The following AR variants were observed in gnomAD, a reference collection of about 807,000 sequenced individuals.
AR encodes androgen receptor.
In AR, 8 loss-of-function variants were observed where a neutral mutation model predicts 53.9. That is an observed-to-expected ratio of 0.15 (90% CI 0.09 to 0.27). The LOEUF is 0.27. Among genes scored for constraint, AR ranks in the 10% least tolerant of loss-of-function variants. The pLI is 1.00. For synonymous variants in AR, 359 were observed against 316.4 expected (o/e 1.13, Z -1.43); for missense variants, 639 against 742.5 (o/e 0.86, Z 1.62).
At chrX:67,656,522 G>T (rs757213548) in intron 2 of AR, among the ~76,000 whole-genome samples, 9 of 111,522 alleles carry the variant, frequency 8.1e-5, no homozygotes, top group African/African-American at 2.9e-4. Flanking sequence ...TAATGGTGAT[G>T]ATAATCATAG....
intron 3 of AR, among the ~76,000 whole-genome samples, chrX:67,699,735 T>C (rs758854164): frequency 1.8e-5 from 2 of 110,959 alleles, no homozygotes; most frequent in East Asian, 5.7e-4. Context: ...TCAAATTTCA[T>C]AGTGAGATAG....
chrX:67,573,157 C>G (rs1053812020), intron 1 of AR, among the ~76,000 whole-genome samples: 1 of 111,335 alleles, frequency 9.0e-6, no homozygotes, highest in African/African-American at 3.3e-5. Flanking sequence ...CTAAGATTAA[C>G]CATTCTACAA....
intron 3 of AR, chrX:67,689,815 G>C (rs1401553865): frequency 1.2e-5 from 8 of 649,711 alleles, no homozygotes; most frequent in East Asian, 1.2e-4. Context: ...AATTAGCTGT[G>C]GCTTTCTCAC....
chrX:67,664,899 G>A (rs764799646), intron 2 of AR, among the ~76,000 whole-genome samples: 13 of 112,842 alleles, frequency 1.2e-4, no homozygotes, highest in East Asian at 8.4e-4. Context: ...CTCTGTGGGC[G>A]TAGGACCCTC....
chrX:67,722,549 G>A (rs2076140225), intron 6 of AR, among the ~76,000 whole-genome samples: 1 of 111,909 alleles, frequency 8.9e-6, no homozygotes. Context: ...AAAAGCTTAG[G>A]TCCTAAAAAA....
At chrX:67,722,097 C>T (rs1192983661) in intron 6 of AR, 134 bp downstream of exon 6, 1 of 741,991 alleles carries the variant, frequency 1.3e-6, no homozygotes, top group South Asian at 2.5e-5. Context: ...CTCCCCATCC[C>T]CACTCTACTC....
At chrX:67,610,661 C>A (rs1923841142) in intron 1 of AR, among the ~76,000 whole-genome samples, 1 of 111,443 alleles carries the variant, frequency 9.0e-6, no homozygotes, top group African/African-American at 3.2e-5. Flanking sequence ...ATATGCTTTT[C>A]CATATCGGTA....
chrX:67,585,569 G>C (rs916845661), intron 1 of AR, among the ~76,000 whole-genome samples: 1 of 112,408 alleles, frequency 8.9e-6, no homozygotes, highest in Non-Finnish European at 1.9e-5. Context: ...GAAGTCTGAG[G>C]TAACTTAGCA....
chrX:67,606,330 T>C (rs1437936837), intron 1 of AR, among the ~76,000 whole-genome samples: 6 of 111,942 alleles, frequency 5.4e-5, no homozygotes, highest in African/African-American at 1.9e-4. Context: ...TAAATTTTAA[T>C]TGACAAAATA....
chrX:67,615,159 A>G (rs1440449573), intron 1 of AR, among the ~76,000 whole-genome samples: 1 of 111,323 alleles, frequency 9.0e-6, no homozygotes, highest in Non-Finnish European at 1.9e-5. Context: ...GAGCAGAAAG[A>G]ATATTTTTTA....
At chrX:67,613,852 A>C (rs1190632351) in intron 1 of AR, among the ~76,000 whole-genome samples, 2 of 112,233 alleles carry the variant, frequency 1.8e-5, no homozygotes, top group African/African-American at 6.5e-5. Flanking sequence ...TGCCCTTTGA[A>C]AAGCAACTAG....
At chrX:67,696,796 T>C (rs1246854681) in intron 3 of AR, among the ~76,000 whole-genome samples, 1 of 111,523 alleles carries the variant, frequency 9.0e-6, no homozygotes, top group Non-Finnish European at 1.9e-5. Context: ...CTTCCTCACC[T>C]ATCTCCATTT....
intron 2 of AR, among the ~76,000 whole-genome samples, chrX:67,659,421 T>G (rs1926758006): frequency 9.0e-6 from 1 of 110,711 alleles, no homozygotes; most frequent in Admixed American, 9.7e-5. Context: ...CCTGTGTCCA[T>G]GTGTTCTCAT....
At chrX:67,631,270 G>T (rs1213220578) in intron 1 of AR, among the ~76,000 whole-genome samples, 1 of 111,479 alleles carries the variant, frequency 9.0e-6, no homozygotes, top group Non-Finnish European at 1.9e-5. Context: ...GTCACTTTCA[G>T]GTACACCAAT....
chrX:67,563,685 C>T (rs778954349), intron 1 of AR, among the ~76,000 whole-genome samples: 7 of 111,685 alleles, frequency 6.3e-5, no homozygotes, highest in Non-Finnish European at 1.3e-4. Flanking sequence ...TGATTTGCTT[C>T]GGTAATGCAA....
intron 1 of AR, among the ~76,000 whole-genome samples, chrX:67,626,775 TC>T (rs1219278309): frequency 4.1e-5 from 2 of 48,696 alleles, no homozygotes; most frequent in African/African-American, 1.7e-4. Flanking sequence ...ATGCTATCCC[TC>T]CCCCCTCCCC....
At chrX:67,659,309 T>G (rs959722898) in intron 2 of AR, among the ~76,000 whole-genome samples, 5 of 110,633 alleles carry the variant, frequency 4.5e-5, no homozygotes, top group African/African-American at 1.6e-4. Flanking sequence ...GTTGGTGTGC[T>G]GCACCCATTA....
At chrX:67,651,548 C>T (rs747350897) in intron 2 of AR, among the ~76,000 whole-genome samples, 1 of 111,810 alleles carries the variant, frequency 8.9e-6, no homozygotes, top group African/African-American at 3.2e-5. Flanking sequence ...TCACTCTGCT[C>T]TGTCACAGCA....
At chrX:67,639,796 T>G (rs746391040) in intron 1 of AR, among the ~76,000 whole-genome samples, 2 of 111,659 alleles carry the variant, frequency 1.8e-5, no homozygotes, top group Non-Finnish European at 3.8e-5. Flanking sequence ...TTTTCCTATT[T>G]GAATATCCTT....
Sources: allele counts gnomAD v4.1 joint callset (sites outside exome capture counted in the v4.1 genomes callset), GRCh38; gene constraint gnomAD v4.1.1; transcripts MANE v1.5; gene names NCBI Gene and HGNC (gene_info 2026-07-23, HGNC 2026-07-21).